The following CFAP47 variants were observed in gnomAD, a reference collection of about 807,000 sequenced individuals.
CFAP47 encodes the protein cilia and flagella associated protein 47.
In CFAP47, 29 loss-of-function variants were observed where a neutral mutation model predicts 148.1. The observed-to-expected ratio is 0.20, with a 90% CI of 0.15 to 0.27. The LOEUF (loss-of-function observed/expected upper bound fraction) is 0.27. Among genes scored for constraint, CFAP47 ranks in the 10% least tolerant of loss-of-function variants. CFAP47 has a pLI of 1.00. For synonymous variants in CFAP47, 664 were observed against 577.3 expected, an observed-to-expected ratio of 1.15 and a Z score of -2.15; for missense variants, 1,872 against 1,697.5, an observed-to-expected ratio of 1.10 and a Z score of -1.81.
intron 33 of CFAP47, among the ~76,000 whole-genome samples, chrX:36,127,010 T>G (rs1295547644): frequency 2.7e-5 from 3 of 112,426 alleles, no homozygotes; most frequent in Non-Finnish European, 5.6e-5. Flanking sequence ...GTCAGATGGA[T>G]AGATTGCAAA....
chrX:36,144,020 G>T (rs895797772), intron 35 of CFAP47, among the ~76,000 whole-genome samples: 1 of 111,315 alleles, frequency 9.0e-6, no homozygotes, highest in African/African-American at 3.3e-5. Context: ...GACCCAAATG[G>T]TAGTTCTTTA....
At chrX:36,068,955 T>TAA (rs113537853) in intron 27 of CFAP47, among the ~76,000 whole-genome samples, 1,330 of 87,141 alleles carry the variant, frequency 0.015, 37 homozygotes, top group African/African-American at 0.053. Context: ...ACTCCTCAAT[T>TAA]AAAAAAAAAA....
intron 15 of CFAP47, among the ~76,000 whole-genome samples, chrX:35,982,387 T>C (rs1026308879): frequency 9.0e-6 from 1 of 111,623 alleles, no homozygotes; most frequent in African/African-American, 3.3e-5. Flanking sequence ...AGTTTGAAAA[T>C]ATATTTTCCC....
intron 39 of CFAP47, among the ~76,000 whole-genome samples, chrX:36,162,979 G>A (rs1375593031): frequency 2.7e-5 from 3 of 111,805 alleles, no homozygotes; most frequent in African/African-American, 9.7e-5. Flanking sequence ...TGAAGGATTG[G>A]TATTAGTTAT....
chrX:36,063,945 A>G (rs1429402398), intron 26 of CFAP47, among the ~76,000 whole-genome samples: 1 of 112,396 alleles, frequency 8.9e-6, no homozygotes, highest in Admixed American at 9.4e-5. Context: ...TGAAACTTCC[A>G]TACCCACAGG....
chrX:36,013,530 C>T (rs1163259924), intron 21 of CFAP47, among the ~76,000 whole-genome samples: 4 of 111,593 alleles, frequency 3.6e-5, no homozygotes, highest in Admixed American at 2.9e-4. Context: ...TGTACATTTT[C>T]TTGTGTGTAT....
chrX:36,184,750 A>T (rs992990269), intron 40 of CFAP47, among the ~76,000 whole-genome samples: 6 of 111,315 alleles, frequency 5.4e-5, no homozygotes, highest in Non-Finnish European at 9.4e-5. Flanking sequence ...CCTGACCAAT[A>T]TGGTGACGCC....
At chrX:36,174,548 C>T (rs1939638939) in intron 39 of CFAP47, among the ~76,000 whole-genome samples, 1 of 108,607 alleles carries the variant, frequency 9.2e-6, no homozygotes, top group Admixed American at 9.8e-5. Context: ...TTTATTTCTC[C>T]TTCACTTATG....
chrX:36,230,059 C>T (rs1168539296), intron 46 of CFAP47, among the ~76,000 whole-genome samples: 2 of 109,230 alleles, frequency 1.8e-5, no homozygotes, highest in African/African-American at 3.3e-5. Context: ...TGAACAGTGC[C>T]GCAATAAACA....
intron 49 of CFAP47, among the ~76,000 whole-genome samples, chrX:36,269,914 G>T (rs2146936845): frequency 9.0e-6 from 1 of 111,607 alleles, no homozygotes; most frequent in South Asian, 3.7e-4. Context: ...CATACAGTGT[G>T]CACAGTTTTA....
chrX:36,236,574 C>A, intron 47 of CFAP47, 112 bp from the exon 48 acceptor site: 1 of 421,630 alleles, frequency 2.4e-6, no homozygotes, highest in Non-Finnish European at 4.2e-6. Context: ...ATGGCTAACA[C>A]CTCTCTACAA....
intron 45 of CFAP47, among the ~76,000 whole-genome samples, chrX:36,216,209 T>C (rs1940157834): frequency 8.9e-6 from 1 of 112,447 alleles, no homozygotes; most frequent in Non-Finnish European, 1.9e-5. Flanking sequence ...AATGCCCTCT[T>C]GTGAGAAGCA....
intron 8 of CFAP47, among the ~76,000 whole-genome samples, chrX:35,961,183 T>G (rs1322528668): frequency 8.9e-6 from 1 of 112,233 alleles, no homozygotes; most frequent in Non-Finnish European, 1.9e-5. Context: ...GAAATCATAC[T>G]TGTACATAGT....
At chrX:36,117,135 T>C (rs1216874088) in intron 33 of CFAP47, among the ~76,000 whole-genome samples, 3 of 112,485 alleles carry the variant, frequency 2.7e-5, no homozygotes, top group African/African-American at 9.7e-5. Flanking sequence ...GTATCACATT[T>C]TCTTTATTCA....
chrX:36,144,833 C>G (rs764731218), intron 35 of CFAP47: 1 of 1,016,207 alleles, frequency 9.8e-7, no homozygotes, highest in Admixed American at 2.5e-5. Flanking sequence ...AGCCTTTGGA[C>G]TCTAGGACTT....
At chrX:36,034,182 T>G (rs1447226829) in intron 23 of CFAP47, among the ~76,000 whole-genome samples, 1 of 111,762 alleles carries the variant, frequency 8.9e-6, no homozygotes. Flanking sequence ...TTTTAAATAG[T>G]ATTTGTCCAG....
intron 26 of CFAP47, among the ~76,000 whole-genome samples, chrX:36,054,212 C>T (rs926801030): frequency 8.9e-6 from 1 of 112,078 alleles, no homozygotes; most frequent in Non-Finnish European, 1.9e-5. Context: ...CTCAGACCCA[C>T]CCCCACTGTG....
intron 1 of CFAP47, among the ~76,000 whole-genome samples, chrX:35,925,200 A>G (rs997716789): frequency 3.6e-5 from 4 of 110,573 alleles, no homozygotes. Flanking sequence ...GTGAAACCCC[A>G]TCTCTACTAA....
chrX:35,986,681 A>G (rs1246098770), intron 15 of CFAP47, among the ~76,000 whole-genome samples: 1 of 110,752 alleles, frequency 9.0e-6, no homozygotes, highest in African/African-American at 3.3e-5. Context: ...TTGGAGGAGA[A>G]GAGGCATTCT....
Sources: allele counts gnomAD v4.1 joint callset (sites outside exome capture counted in the v4.1 genomes callset), GRCh38; gene constraint gnomAD v4.1.1; transcripts MANE v1.5; gene names NCBI Gene and HGNC (gene_info 2026-07-23, HGNC 2026-07-21).